Variants in MICU2 observed in about 807,000 individuals in gnomAD.
MICU2 encodes calcium uptake protein 2, mitochondrial.
MICU2 carries 64 observed loss-of-function variants against 60.4 expected under a neutral mutation model. That is an observed-to-expected ratio of 1.06 (90% CI 0.87 to 1.31). The LOEUF (loss-of-function observed/expected upper bound fraction) is 1.31, where lower values mean the gene tolerates loss of function less well. Among genes scored for constraint, MICU2 ranks in the 50% most tolerant of loss-of-function variants. The pLI, the probability that MICU2 is intolerant of heterozygous loss-of-function variation, is 0.00. For synonymous variants in MICU2, 201 were observed against 175.0 expected (o/e 1.15, Z -1.17); for missense variants, 569 against 531.0 (o/e 1.07, Z -0.70).
At chr13:21,510,299 A>G (rs995244828) in intron 7 of MICU2, among the ~76,000 whole-genome samples, 198 bp from the exon 8 acceptor site, 2 of 152,198 alleles carry the variant, frequency 1.3e-5, no homozygotes, top group Non-Finnish European at 2.9e-5. Flanking sequence ...TTGTTCAAGT[A>G]GGCAATAAAC....
intron 1 of MICU2, among the ~76,000 whole-genome samples, chr13:21,592,666 C>T (rs995693710): frequency 6.6e-6 from 1 of 152,174 alleles, no homozygotes; most frequent in Non-Finnish European, 1.5e-5. Context: ...GTTTATCCAC[C>T]ACGATCAAGT....
chr13:21,543,049 A>T (rs762407659), intron 2 of MICU2, among the ~76,000 whole-genome samples: 15 of 152,212 alleles, frequency 9.9e-5, no homozygotes, highest in Non-Finnish European at 1.6e-4. Context: ...ACTTTTTCAT[A>T]AATATATGTG....
chr13:21,503,514 A>G (rs1474310833), intron 8 of MICU2, among the ~76,000 whole-genome samples: 1 of 152,250 alleles, frequency 6.6e-6, no homozygotes, highest in Non-Finnish European at 1.5e-5. Context: ...AATGTTAATC[A>G]TAATTACTAC....
intron 1 of MICU2, among the ~76,000 whole-genome samples, chr13:21,591,718 C>T (rs1232579119): frequency 6.6e-6 from 1 of 152,180 alleles, no homozygotes; most frequent in Non-Finnish European, 1.5e-5. Flanking sequence ...GATTAAGAAA[C>T]TCACTCAAAA....
intron 6 of MICU2, chr13:21,515,623 C>G: frequency 2.5e-6 from 1 of 403,604 alleles, no homozygotes; most frequent in Non-Finnish European, 5.0e-6. Context: ...TAGACAAAAT[C>G]CCAAACTATG....
At chr13:21,599,509 T>G (rs2138079311) in intron 1 of MICU2, among the ~76,000 whole-genome samples, 1 of 152,338 alleles carries the variant, frequency 6.6e-6, no homozygotes. Context: ...TACATAGAAA[T>G]AACTGATGTG....
Position 21,604,102 on chromosome 13 carries a change from C to T in MICU2, c.47G>A (p.Gly16Glu), listed in dbSNP as rs758562522. Residue 16 changes from glycine (G) to glutamate (E), a missense_variant, in exon 1 of 12, where the codon GGA becomes GAA. Physicochemically the swap from Gly to Glu is moderately conservative, Grantham distance 98. Transcript: ENST00000382374. Reference protein sequence around the residue: ...GSCARVAAWGGKLRRGLAVSR... With the variant: ...GSCARVAAWGEKLRRGLAVSR... ...GACAGCGAGCCCCCGTCGCAGTTTTCCGCCCCAGGCCGCCACCCGCGCGCA... is the reference window on the plus strand; with the variant it reads ...GACAGCGAGCCCCCGTCGCAGTTTTTCGCCCCAGGCCGCCACCCGCGCGCA... 3 of 1,584,142 alleles carry T rather than the reference C, an allele frequency of 1.9e-6. No individual in the cohort carries two copies. Among genetic ancestry groups the T allele is most frequent in the South Asian group, 2.3e-5 (2 of 88,034 alleles).
intron 9 of MICU2, 163 bp from the exon 10 acceptor site, chr13:21,496,323 G>A: frequency 6.9e-6 from 4 of 581,984 alleles, no homozygotes; most frequent in South Asian, 6.7e-5. Context: ...ACACAGAAAT[G>A]GCCACACAAA....
At chr13:21,579,575 C>T (rs1013635885) in intron 1 of MICU2, among the ~76,000 whole-genome samples, 3 of 152,160 alleles carry the variant, frequency 2.0e-5, no homozygotes, top group African/African-American at 7.2e-5. Flanking sequence ...CTCCTGACCT[C>T]AGGCGATCCA....
intron 4 of MICU2, among the ~76,000 whole-genome samples, chr13:21,536,307 T>C (rs1023237322): frequency 2.6e-5 from 4 of 151,644 alleles, no homozygotes; most frequent in African/African-American, 9.7e-5. Flanking sequence ...TGGAGTGTTA[T>C]ATGATAAACT....
intron 2 of MICU2, among the ~76,000 whole-genome samples, chr13:21,562,602 A>T (rs1887874154): frequency 6.6e-6 from 1 of 152,216 alleles, no homozygotes; most frequent in African/African-American, 2.4e-5. Flanking sequence ...AACTAATCTA[A>T]GTCCACTTTC....
chr13:21,552,303 T>G (rs1280241655), intron 2 of MICU2, among the ~76,000 whole-genome samples: 2 of 152,226 alleles, frequency 1.3e-5, no homozygotes, highest in Non-Finnish European at 2.9e-5. Flanking sequence ...TAAATTTGTT[T>G]GAGTTCATTG....
In MICU2 at chr13:21,531,224, A is replaced by T. The variant is rs1886989972; in HGVS notation, c.466+8078T>A. On this transcript the variant is annotated intron_variant, in intron 4 of 11. Coordinates refer to ENST00000382374, the MANE Select transcript of MICU2 (RefSeq NM_152726.3). Reference sequence around the variant, plus strand: ...TAGAGTTATGTGAGATCCTAGCTCAAGAAAAGGACACTATAAGAAAGGAAT... The same window carrying T: ...TAGAGTTATGTGAGATCCTAGCTCATGAAAAGGACACTATAAGAAAGGAAT... The T allele has an allele frequency of 8.3e-6, 9 of 1,086,788 alleles. No homozygotes were observed. In the Admixed American group the frequency reaches 1.5e-4, roughly 19 times the overall value. The allele number at this position is 1,086,788 out of a possible 1,614,324, so 67.3% of individuals were successfully genotyped here.
chr13:21,507,355 T>C (rs1050433548), intron 8 of MICU2, among the ~76,000 whole-genome samples: 8 of 152,174 alleles, frequency 5.3e-5, no homozygotes, highest in African/African-American at 1.9e-4. Flanking sequence ...AGTATCTCTG[T>C]GAATACAGTT....
chr13:21,565,612 C>T (rs1433821965), intron 2 of MICU2, among the ~76,000 whole-genome samples: 6 of 152,188 alleles, frequency 3.9e-5, no homozygotes, highest in Non-Finnish European at 7.3e-5. Flanking sequence ...GAGCCAAGAT[C>T]GCGCCACTGC....
intron 1 of MICU2, among the ~76,000 whole-genome samples, chr13:21,580,947 T>C (rs1468057967): frequency 6.6e-6 from 1 of 151,898 alleles, no homozygotes; most frequent in Non-Finnish European, 1.5e-5. Context: ...GCTAACTGGG[T>C]TAGAATAGAG....
intron 1 of MICU2, among the ~76,000 whole-genome samples, chr13:21,587,941 C>A (rs937458915): frequency 6.6e-6 from 1 of 152,154 alleles, no homozygotes; most frequent in African/African-American, 2.4e-5. Context: ...CTTTGAACTG[C>A]ATAGGTGGAG....
chr13:21,603,505 A>T (rs1232812085), intron 1 of MICU2: 1 of 179,482 alleles, frequency 5.6e-6, no homozygotes, highest in East Asian at 1.6e-4. Context: ...TGCAAAGCTT[A>T]ACAAAGGTAT....
At chr13:21,540,294 T>C (rs1365437913) in intron 2 of MICU2, among the ~76,000 whole-genome samples, 1 of 125,428 alleles carries the variant, frequency 8.0e-6, no homozygotes, top group African/African-American at 2.8e-5. Context: ...CTAAAGCTAT[T>C]ACATTGTTTC....
Sources: allele counts gnomAD v4.1 joint callset (sites outside exome capture counted in the v4.1 genomes callset), GRCh38; gene constraint gnomAD v4.1.1; transcripts MANE v1.5; gene names NCBI Gene and HGNC (gene_info 2026-07-23, HGNC 2026-07-21).